Variants in KCNIP3 observed in about 807,000 individuals in gnomAD.
KCNIP3 encodes the protein calsenilin.
In KCNIP3, 28 loss-of-function variants were observed where a neutral mutation model predicts 35.0. The observed-to-expected ratio is 0.80, with a 90% CI of 0.59 to 1.10. The LOEUF (loss-of-function observed/expected upper bound fraction) is 1.10. Among genes scored for constraint, KCNIP3 ranks in the 50% least tolerant of loss-of-function variants. KCNIP3 has a pLI of 0.00. For missense variants in KCNIP3, 295 were observed against 338.4 expected (o/e 0.87, Z 1.01); for synonymous variants, 134 against 133.8 (o/e 1.00, Z -0.01).
intron 2 of KCNIP3, among the ~76,000 whole-genome samples, chr2:95,363,512 A>G (rs1056372770): frequency 6.6e-6 from 1 of 152,118 alleles, no homozygotes; most frequent in Non-Finnish European, 1.5e-5. Flanking sequence ...AACATGTACT[A>G]GTGTCTGAGA....
chr2:95,303,589 T>TC (rs1678095807), intron 1 of KCNIP3: 1 of 152,480 alleles, frequency 6.6e-6, no homozygotes, highest in African/African-American at 2.4e-5. Flanking sequence ...GGCTCAGCCT[T>TC]CCCCCGCTCT....
chr2:95,307,611 A>G (rs1376988527), intron 1 of KCNIP3, among the ~76,000 whole-genome samples: 1 of 152,170 alleles, frequency 6.6e-6, no homozygotes, highest in Non-Finnish European at 1.5e-5. Context: ...GGGAGGACTG[A>G]GCCCTGTGAG....
rs1418222221 is a variant in KCNIP3, at chr2:95,382,476, T to C, written c.655T>C (p.Phe219Leu). The change falls in exon 7 of 9, where the codon TTC becomes CTC. Residue 219 changes from phenylalanine to leucine, a missense_variant. Coordinates refer to ENST00000295225, the MANE Select transcript of KCNIP3 (RefSeq NM_013434.5). This position sits in a 1 kb window ranked among gnomAD's most constrained non-coding sequence, Gnocchi z 4.5. ...GCCGGCGGAGCACGTGGAGAGGTTC[T>C]TCGAGGTGAGCGAGCGCCAGCCCTG... The part of the protein sequence containing the change: ...DAPAEHVERF[F>L]EKMDRNQDGV... 6.2e-7 allele frequency: 1 copy of C among 1,602,056 alleles called. No homozygotes were observed. Among genetic ancestry groups the C allele is most frequent in the Non-Finnish European group, 8.5e-7 (1 of 1,174,584 alleles).
At chr2:95,319,255 T>G (rs537614460) in intron 2 of KCNIP3, among the ~76,000 whole-genome samples, 28 of 152,148 alleles carry the variant, frequency 1.8e-4, no homozygotes, top group Non-Finnish European at 3.1e-4. Context: ...GGGGGCTCAG[T>G]CTAGCCCCAG....
At chr2:95,350,924 G>A (rs1008151184) in intron 2 of KCNIP3, among the ~76,000 whole-genome samples, 2 of 152,198 alleles carry the variant, frequency 1.3e-5, no homozygotes, top group South Asian at 2.1e-4. Context: ...GGGAGTCACT[G>A]CAGCCACTTC....
chr2:95,339,782 T>C (rs1679148897), intron 2 of KCNIP3, among the ~76,000 whole-genome samples: 1 of 152,130 alleles, frequency 6.6e-6, no homozygotes, highest in South Asian at 2.1e-4. Flanking sequence ...AATCGATAGC[T>C]CTTACTTGAT....
At chr2:95,328,372 G>C (rs1290291177) in intron 2 of KCNIP3, among the ~76,000 whole-genome samples, 2 of 152,262 alleles carry the variant, frequency 1.3e-5, no homozygotes, top group Non-Finnish European at 2.9e-5. Context: ...CACACTGTCT[G>C]AGCCACAGTA....
intron 2 of KCNIP3, among the ~76,000 whole-genome samples, chr2:95,331,821 C>T (rs575878418): frequency 2.6e-5 from 4 of 152,304 alleles, no homozygotes; most frequent in Admixed American, 2.6e-4. Context: ...AAGGAGATCC[C>T]TTCTCAGATA....
intron 2 of KCNIP3, among the ~76,000 whole-genome samples, chr2:95,325,870 T>C (rs1260484729): frequency 1.5e-5 from 2 of 135,218 alleles, no homozygotes; most frequent in African/African-American, 5.7e-5. Context: ...CAGGCACACA[T>C]ACACTCAGAC....
chr2:95,354,976 C>T (rs1221478908), intron 2 of KCNIP3: 2 of 152,264 alleles, frequency 1.3e-5, no homozygotes, highest in African/African-American at 4.8e-5. Context: ...AGGAACCAGC[C>T]TCTAGAGAAT....
At chr2:95,302,776 G>T (rs951122803) in intron 1 of KCNIP3, among the ~76,000 whole-genome samples, 2 of 152,102 alleles carry the variant, frequency 1.3e-5, no homozygotes, top group African/African-American at 2.4e-5. Context: ...CACTGTCCTC[G>T]GCTGCTGGAA....
At chr2:95,307,571 GCCTGC>G (rs1678207475) in intron 1 of KCNIP3, among the ~76,000 whole-genome samples, 1 of 152,258 alleles carries the variant, frequency 6.6e-6, no homozygotes, top group Non-Finnish European at 1.5e-5. Flanking sequence ...GAGGTGCTCA[GCCTGC>G]CCTTTGGGCT....
chr2:95,341,985 G>A (rs1168522357), intron 2 of KCNIP3, among the ~76,000 whole-genome samples: 1 of 152,200 alleles, frequency 6.6e-6, no homozygotes, highest in East Asian at 1.9e-4. Context: ...GGAGATCTAG[G>A]AAGGTGACTC....
At chr2:95,322,221 G>A (rs1325373720) in intron 2 of KCNIP3, among the ~76,000 whole-genome samples, 17 of 152,116 alleles carry the variant, frequency 1.1e-4, no homozygotes, top group East Asian at 3.9e-4. Flanking sequence ...AAAATTAGCC[G>A]GACATGGTGA....
At chr2:95,380,339 G>A (rs1192382252) in intron 5 of KCNIP3, among the ~76,000 whole-genome samples, 3 of 151,946 alleles carry the variant, frequency 2.0e-5, no homozygotes, top group South Asian at 2.1e-4. Context: ...CTTCCAAATC[G>A]CTTTCCTCTG....
intron 1 of KCNIP3, among the ~76,000 whole-genome samples, chr2:95,299,759 C>T (rs1010305124): frequency 3.3e-5 from 5 of 152,234 alleles, no homozygotes; most frequent in African/African-American, 1.2e-4. Context: ...CGAGATGGGC[C>T]CTAATTTGCT....
intron 1 of KCNIP3, among the ~76,000 whole-genome samples, chr2:95,305,490 C>T (rs1367085916): frequency 1.3e-5 from 2 of 152,146 alleles, no homozygotes; most frequent in East Asian, 1.9e-4. Flanking sequence ...AGTCCTAGTC[C>T]GATTTCCCAG....
chr2:95,351,021 C>G (rs1210885431), intron 2 of KCNIP3, among the ~76,000 whole-genome samples: 1 of 152,214 alleles, frequency 6.6e-6, no homozygotes, highest in Non-Finnish European at 1.5e-5. Context: ...AGGACAGGGG[C>G]TCTGGGTCAG....
chr2:95,315,067 G>T (rs551965873), intron 2 of KCNIP3, among the ~76,000 whole-genome samples: 5 of 152,172 alleles, frequency 3.3e-5, no homozygotes, highest in Admixed American at 1.3e-4. Context: ...TGGTCACACC[G>T]CTCTATTCCG....
Sources: allele counts gnomAD v4.1 joint callset (sites outside exome capture counted in the v4.1 genomes callset), GRCh38; gene constraint gnomAD v4.1.1; non-coding constraint Gnocchi (gnomAD v3.1); transcripts MANE v1.5; gene names NCBI Gene and HGNC (gene_info 2026-07-23, HGNC 2026-07-21).